Variants in AGMO observed in about 807,000 individuals in gnomAD.
AGMO encodes alkylglycerol monooxygenase.
AGMO carries 75 observed loss-of-function variants against 60.2 expected under a neutral mutation model. The ratio of observed to expected loss-of-function variants is 1.25; its 90% CI spans 1.03 to 1.51. AGMO has a LOEUF of 1.51. AGMO is among the 40% of genes most tolerant of loss of function. AGMO has a pLI of 0.00. For synonymous variants in AGMO, 261 were observed against 177.1 expected, an observed-to-expected ratio of 1.47 and a Z score of -3.76; for missense variants, 763 against 525.5, an observed-to-expected ratio of 1.45 and a Z score of -4.42.
the AGMO span, among the ~76,000 whole-genome samples, chr7:15,171,614 C>CA: frequency 6.6e-6 from 1 of 152,154 alleles, no homozygotes; most frequent in African/African-American, 2.4e-5. Context: ...TATATTTAAT[C>CA]AGCACTTTCT....
the AGMO span, among the ~76,000 whole-genome samples, chr7:15,143,795 A>T: frequency 6.6e-6 from 1 of 152,004 alleles, no homozygotes; most frequent in African/African-American, 2.4e-5. Context: ...TTAGAATGGA[A>T]GGAATGATGG....
At chr7:15,121,166 G>T in the AGMO span, among the ~76,000 whole-genome samples, 1 of 152,126 alleles carries the variant, frequency 6.6e-6, no homozygotes, top group East Asian at 1.9e-4. Flanking sequence ...CTTTTTTATG[G>T]CTGCATAGTA....
chr7:15,340,051 G>A (rs1188747813), intron 12 of AGMO, among the ~76,000 whole-genome samples: 1 of 152,164 alleles, frequency 6.6e-6, no homozygotes, highest in Non-Finnish European at 1.5e-5. Flanking sequence ...CTTGAGACTA[G>A]AAGTGCTTAG....
rs1275900793 is a variant in AGMO, at chr7:15,290,172, G to A, written c.1263+75342C>T. ...AGCCTCCTGAGTAGCTGGGATTAGAGGTATGCGCCACACACCTGGCTAATT... is the reference window on the plus strand; with the variant it reads ...AGCCTCCTGAGTAGCTGGGATTAGAAGTATGCGCCACACACCTGGCTAATT... On this transcript the variant is annotated intron_variant, in intron 12 of 12. Coordinates refer to ENST00000342526, the MANE Select transcript of AGMO (RefSeq NM_001004320.2). 2.0e-5 allele frequency among the ~76,000 whole-genome samples: 3 copies of A among 151,678 alleles called. No individual in the cohort carries two copies. The East Asian group carries it at 5.8e-4, about 29-fold the overall frequency.
Position 15,333,042 on chromosome 7 carries a change from C to A in AGMO, c.1263+32472G>T, listed in dbSNP as rs549502297. ...AACTCTAGAAGGAAAAGCATATAGT[C>A]CAAGCTTATAACCAGAAAATTGAAC... On this transcript the variant is annotated intron_variant, in intron 12 of 12. Transcript: ENST00000342526. Among the ~76,000 whole-genome samples the A allele has an allele frequency of 3.3e-5, 5 of 152,188 alleles. No homozygotes were observed. The East Asian group carries it at 9.7e-4, about 29-fold the overall frequency.
intron 12 of AGMO, among the ~76,000 whole-genome samples, chr7:15,218,160 G>A (rs1302714743): frequency 6.6e-6 from 1 of 151,990 alleles, no homozygotes; most frequent in Non-Finnish European, 1.5e-5. Context: ...ATTCCAATGT[G>A]GAGAAATTTC....
chr7:15,455,877 A>G (rs555704761), intron 3 of AGMO, among the ~76,000 whole-genome samples: 1 of 152,216 alleles, frequency 6.6e-6, no homozygotes, highest in Non-Finnish European at 1.5e-5. Context: ...ACAATGAAGC[A>G]TTTAAGTCGA....
At chr7:15,468,003 G>C (rs1486038643) in intron 3 of AGMO, among the ~76,000 whole-genome samples, 1 of 152,010 alleles carries the variant, frequency 6.6e-6, no homozygotes, top group African/African-American at 2.4e-5. Flanking sequence ...TTTCTCATTT[G>C]TAACTCTTCC....
At chr7:15,158,284 T>C in the AGMO span, among the ~76,000 whole-genome samples, 139 of 152,236 alleles carry the variant, frequency 9.1e-4, no homozygotes, top group Non-Finnish European at 1.8e-3. Flanking sequence ...TTGTTCTCAT[T>C]AGGCAAGTGT....
At chr7:15,356,318 G>C (rs892357583) in intron 12 of AGMO, among the ~76,000 whole-genome samples, 6 of 152,140 alleles carry the variant, frequency 3.9e-5, no homozygotes, top group South Asian at 4.1e-4. Context: ...AGACAGATAT[G>C]TATAGTCAAC....
chr7:15,449,560 C>G (rs1052165820), intron 3 of AGMO, among the ~76,000 whole-genome samples: 1 of 152,140 alleles, frequency 6.6e-6, no homozygotes, highest in Admixed American at 6.5e-5. Flanking sequence ...TAACATGCTG[C>G]ACAGGTTTGT....
chr7:15,247,647 CAAA>C (rs1313768153), intron 12 of AGMO, among the ~76,000 whole-genome samples: 5 of 151,678 alleles, frequency 3.3e-5, no homozygotes, highest in Non-Finnish European at 7.4e-5. Flanking sequence ...ACAAAAATAA[CAAA>C]AAAGAAAAGG....
intron 3 of AGMO, among the ~76,000 whole-genome samples, chr7:15,495,425 G>A (rs927627639): frequency 1.3e-5 from 2 of 152,054 alleles, no homozygotes; most frequent in Non-Finnish European, 2.9e-5. Context: ...TCAAAGTACT[G>A]TTGCTTAGAA....
chr7:15,223,765 A>T (rs1304769162), intron 12 of AGMO, among the ~76,000 whole-genome samples: 1 of 151,762 alleles, frequency 6.6e-6, no homozygotes, highest in Non-Finnish European at 1.5e-5. Flanking sequence ...CCATCCATTT[A>T]AAATTTATTA....
At chr7:15,338,929 C>T (rs1426180887) in intron 12 of AGMO, among the ~76,000 whole-genome samples, 1 of 152,144 alleles carries the variant, frequency 6.6e-6, no homozygotes, top group Non-Finnish European at 1.5e-5. Context: ...GGTTGGTTGG[C>T]AAGTGGGGAG....
intron 12 of AGMO, among the ~76,000 whole-genome samples, chr7:15,245,739 ATTAT>A (rs1309628652): frequency 6.6e-6 from 1 of 152,232 alleles, no homozygotes; most frequent in African/African-American, 2.4e-5. Context: ...AGTTAAAAAT[ATTAT>A]TTAATTCCTA....
intron 12 of AGMO, among the ~76,000 whole-genome samples, chr7:15,271,881 G>A (rs1156388320): frequency 1.3e-5 from 2 of 152,088 alleles, no homozygotes; most frequent in Non-Finnish European, 2.9e-5. Context: ...CAAAAAGGAT[G>A]CCAAATTTTA....
At chr7:15,251,416 A>G (rs969731800) in intron 12 of AGMO, among the ~76,000 whole-genome samples, 2 of 152,198 alleles carry the variant, frequency 1.3e-5, no homozygotes, top group Admixed American at 1.3e-4. Flanking sequence ...AAGAGCTAAG[A>G]AGCCAAAGAG....
chr7:15,402,764 A>G (rs1292213068), intron 5 of AGMO, among the ~76,000 whole-genome samples: 1 of 151,336 alleles, frequency 6.6e-6, no homozygotes, highest in African/African-American at 2.4e-5. Context: ...ACTAGCAATA[A>G]TCTATTTCAG....
Sources: gnomAD v4.1 joint callset for allele counts (sites outside exome capture counted in the v4.1 genomes callset) on GRCh38, gnomAD v4.1.1 for gene constraint, MANE v1.5 for transcripts, NCBI Gene and HGNC (gene_info 2026-07-23, HGNC 2026-07-21) for gene names.